Variants in TRA2A observed in about 807,000 individuals in gnomAD.
TRA2A encodes the protein transformer-2 protein homolog alpha.
In TRA2A, 31 loss-of-function variants were observed where a neutral mutation model predicts 45.7. That is an observed-to-expected ratio of 0.68 (90% confidence interval 0.51 to 0.92). The LOEUF is 0.92. Among genes scored for constraint, TRA2A ranks in the 40% least tolerant of loss-of-function variants. The pLI is 0.00. For synonymous variants in TRA2A, 132 were observed against 126.2 expected, an observed-to-expected ratio of 1.05 and a Z score of -0.31; for missense variants, 304 against 367.5, an observed-to-expected ratio of 0.83 and a Z score of 1.41.
intron 3 of TRA2A, among the ~76,000 whole-genome samples, chr7:23,514,422 T>C (rs1457352080): frequency 6.6e-6 from 1 of 152,192 alleles, no homozygotes; most frequent in Non-Finnish European, 1.5e-5. Flanking sequence ...GAAAATCTCT[T>C]TGAACAACCT....
intron 1 of TRA2A, chr7:23,531,515 G>A (rs550553588): frequency 5.4e-6 from 3 of 559,572 alleles, no homozygotes; most frequent in East Asian, 6.1e-5. Context: ...TCAGGGGTGG[G>A]GAGAAGGGAG....
chr7:23,524,268 C>T (rs1056207473), intron 1 of TRA2A, among the ~76,000 whole-genome samples: 18 of 152,154 alleles, frequency 1.2e-4, no homozygotes, highest in Non-Finnish European at 2.4e-4. Flanking sequence ...ACTGCAACCT[C>T]CACCTCCTGG....
In TRA2A at chr7:23,517,218, C is replaced by G. The variant is rs188392403; in HGVS notation, c.171-690G>C. ...TCACTTGGGGCCGGGCACGGTGGCT[C>G]ATGCCTGTAATCCCAGCAACTTGTG... is the stretch of plus-strand genomic sequence containing the variant. On this transcript the variant is annotated intron_variant, in intron 2 of 7. Coordinates refer to ENST00000297071, the MANE Select transcript of TRA2A (RefSeq NM_013293.5). Among the ~76,000 whole-genome samples the G allele has an allele frequency of 3.8e-3, 570 of 151,876 alleles. 2 individuals carry two copies. The highest frequency in any genetic ancestry group is 0.021 in the Middle Eastern group (6 of 292).
At chr7:23,511,952 A>G (rs890044049) in intron 4 of TRA2A, among the ~76,000 whole-genome samples, 2 of 152,222 alleles carry the variant, frequency 1.3e-5, no homozygotes, top group African/African-American at 4.8e-5. Flanking sequence ...AAAATTAAAC[A>G]TATCAAACCC....
At chr7:23,515,523 T>C (rs1200643964) in intron 3 of TRA2A, among the ~76,000 whole-genome samples, 1 of 149,902 alleles carries the variant, frequency 6.7e-6, no homozygotes, top group Non-Finnish European at 1.5e-5. Flanking sequence ...GGCCGGAACA[T>C]ATTTCTTCCC....
chr7:23,518,873 G>T (rs1584131094), intron 2 of TRA2A, among the ~76,000 whole-genome samples: 1 of 151,926 alleles, frequency 6.6e-6, no homozygotes, highest in African/African-American at 2.4e-5. Context: ...TTTTAGTAGA[G>T]ACGGGGTCTC....
At chr7:23,515,333 C>T (rs1190392583) in intron 3 of TRA2A, among the ~76,000 whole-genome samples, 3 of 149,784 alleles carry the variant, frequency 2.0e-5, no homozygotes, top group Non-Finnish European at 4.4e-5. Flanking sequence ...GGGTTCACAC[C>T]ATTCTCCTGC....
intron 3 of TRA2A, among the ~76,000 whole-genome samples, 175 bp from the exon 4 acceptor site, chr7:23,513,257 T>C (rs1216567237): frequency 6.6e-6 from 1 of 152,210 alleles, no homozygotes; most frequent in Non-Finnish European, 1.5e-5. Context: ...CAATTCACAG[T>C]ACACCCAAGG....
At chr7:23,519,537 G>C (rs6960918) in intron 2 of TRA2A, among the ~76,000 whole-genome samples, 104,076 of 152,018 alleles carry the variant, frequency 0.68, 36,751 homozygotes, top group African/African-American at 0.86. Flanking sequence ...GCCTGGGCAA[G>C]AGAGCAAGAC....
chr7:23,505,371 C>A lies in TRA2A; in HGVS notation c.*188G>T. ...TAACTGTTCAAAATGACAACAATTACATCTTTTAAGAGTATAATAAAATGG... is the reference window on the plus strand; with the variant it reads ...TAACTGTTCAAAATGACAACAATTAAATCTTTTAAGAGTATAATAAAATGG... On this transcript the variant is annotated 3_prime_UTR_variant, in exon 8 of 8. Transcript: ENST00000297071. 2 of 433,224 alleles carry A rather than the reference C, an allele frequency of 4.6e-6. No homozygotes were observed. The allele number at this position is 433,224 out of a possible 1,614,324, so 26.8% of individuals were successfully genotyped here. A position where few individuals can be genotyped will look rare whatever the true frequency, so the allele number is the denominator to read the frequency against.
At chr7:23,524,493 T>C (rs1444565983) in intron 1 of TRA2A, among the ~76,000 whole-genome samples, 1 of 151,546 alleles carries the variant, frequency 6.6e-6, no homozygotes, top group Non-Finnish European at 1.5e-5. Flanking sequence ...CAACATCAGA[T>C]TTATTTTAAA....
Position 23,531,648 on chromosome 7 carries a change from T to C in TRA2A, c.36+141A>G. 7.1e-6 allele frequency: 6 copies of C among 849,958 alleles called. No individual in the cohort carries two copies. The South Asian group carries it at 9.4e-5, about 13-fold the overall frequency. The allele number at this position is 849,958 out of a possible 1,614,324, so 52.7% of individuals were successfully genotyped here. ...AAGGAGTGGAACCCAGAAGCCATCT[T>C]GGGATGGGAGGAATCAATCGCGATG... On this transcript the variant is annotated intron_variant, in intron 1 of 7. Transcript: ENST00000297071.
intron 2 of TRA2A, among the ~76,000 whole-genome samples, chr7:23,516,908 G>A (rs1309009674): frequency 6.6e-6 from 1 of 151,838 alleles, no homozygotes; most frequent in Non-Finnish European, 1.5e-5. Context: ...AAGAGATCAA[G>A]ACCATCCTGG....
At position 23,521,823 on chromosome 7, in the gene TRA2A, T is replaced by C. The variant is rs1790151757; in HGVS notation, c.54A>G (p.Ser18=). ...NFEGRESRSQ[S]KSPTGTPARV... Reference sequence around the variant, plus strand: ...GAGCAGGAGTTCCCGTTGGAGATTTTGACTGAGAGCGAGACTCCTAACAAA... The same window carrying C: ...GAGCAGGAGTTCCCGTTGGAGATTTCGACTGAGAGCGAGACTCCTAACAAA... Residue 18 remains serine, a synonymous_variant, in exon 2 of 8, where the codon TCA becomes TCG. Transcript: ENST00000297071. 5 of 1,614,080 alleles carry C rather than the reference T, an allele frequency of 3.1e-6. No individual in the cohort carries two copies. The highest frequency in any genetic ancestry group is 1.7e-5 in the Admixed American group (1 of 59,990).
At chr7:23,512,158 C>A (rs1448933413) in intron 4 of TRA2A, among the ~76,000 whole-genome samples, 1 of 152,202 alleles carries the variant, frequency 6.6e-6, no homozygotes, top group African/African-American at 2.4e-5. Flanking sequence ...ACTGTAGTCA[C>A]TCCAATTGTT....
At chr7:23,506,816 C>G (rs1159526118) in intron 5 of TRA2A, among the ~76,000 whole-genome samples, 1 of 152,168 alleles carries the variant, frequency 6.6e-6, no homozygotes, top group Non-Finnish European at 1.5e-5. Flanking sequence ...TGCTCTGTCG[C>G]CCAGGCTGGA....
At chr7:23,517,496 A>AC in intron 2 of TRA2A, among the ~76,000 whole-genome samples, 1 of 145,144 alleles carries the variant, frequency 6.9e-6, no homozygotes, top group African/African-American at 2.6e-5. Flanking sequence ...AAAAAAAAAA[A>AC]AAAAAAAAGA....
At chr7:23,509,888 T>A (rs1005101858) in intron 4 of TRA2A, among the ~76,000 whole-genome samples, 1 of 151,946 alleles carries the variant, frequency 6.6e-6, no homozygotes, top group African/African-American at 2.4e-5. Context: ...TAGCCGGGCA[T>A]GGTGGTGCGC....
chr7:23,512,323 T>C (rs1789660058), intron 4 of TRA2A, among the ~76,000 whole-genome samples: 2 of 152,192 alleles, frequency 1.3e-5, no homozygotes, highest in South Asian at 4.1e-4. Flanking sequence ...ACCTCATCTC[T>C]ACAACAAAAA....
Sources: gnomAD v4.1 joint callset for allele counts (sites outside exome capture counted in the v4.1 genomes callset) on GRCh38, gnomAD v4.1.1 for gene constraint, MANE v1.5 for transcripts, NCBI Gene and HGNC (gene_info 2026-07-23, HGNC 2026-07-21) for gene names.